RANBP3: variants seen among roughly 807,000 people sequenced by gnomAD.
The protein encoded by RANBP3 is RAN binding protein 3, also known as ran-binding protein 3.
A neutral mutation model predicts 77.3 loss-of-function variants in RANBP3; 14 were observed. The observed-to-expected ratio is 0.18, with a 90% CI of 0.12 to 0.28. The LOEUF (loss-of-function observed/expected upper bound fraction) is 0.28, where lower values mean the gene tolerates loss of function less well. Ranked by LOEUF, RANBP3 falls within the 10% of genes least tolerant of loss-of-function variation. The pLI, the probability that RANBP3 is intolerant of heterozygous loss-of-function variation, is 1.00. For synonymous variants in RANBP3, 315 were observed against 312.4 expected (o/e 1.01, Z -0.09); for missense variants, 586 against 752.3 (o/e 0.78, Z 2.59).
intron 1 of RANBP3, among the ~76,000 whole-genome samples, chr19:5,969,020 T>C (rs1412288834): frequency 6.6e-6 from 1 of 152,052 alleles, no homozygotes; most frequent in Non-Finnish European, 1.5e-5. Flanking sequence ...TGAGCAGGGA[T>C]GAGCCAGGTG....
chr19:5,974,205 A>G (rs1170837944), intron 1 of RANBP3: 2 of 152,240 alleles, frequency 1.3e-5, no homozygotes, highest in Non-Finnish European at 2.9e-5. Context: ...GAGCCATCAA[A>G]ACGTCAACTG....
chr19:5,920,987 C>T (rs897354591), intron 14 of RANBP3: 18 of 425,134 alleles, frequency 4.2e-5, no homozygotes, highest in African/African-American at 1.4e-4. Flanking sequence ...GGGTCACGGA[C>T]GAGCTGGCAG....
intron 3 of RANBP3, among the ~76,000 whole-genome samples, chr19:5,944,679 T>G (rs1309127382): frequency 6.6e-6 from 1 of 152,242 alleles, no homozygotes; most frequent in Non-Finnish European, 1.5e-5. Context: ...TGCAGGTCAC[T>G]GTCTGAGGCC....
chr19:5,933,290 T>A, intron 6 of RANBP3, 124 bp downstream of exon 6: 2 of 739,666 alleles, frequency 2.7e-6, no homozygotes, highest in South Asian at 4.0e-5. Context: ...CCAGGGCTCG[T>A]GGGTCAAGTT....
intron 10 of RANBP3, chr19:5,925,134 C>T (rs917831197): frequency 4.5e-5 from 25 of 560,804 alleles, no homozygotes; most frequent in Non-Finnish European, 6.4e-5. Context: ...TGAGGGAAGC[C>T]ACCTTCCACC....
chr19:5,931,861 C>T (rs377206176), intron 7 of RANBP3, among the ~76,000 whole-genome samples: 1 of 151,920 alleles, frequency 6.6e-6, no homozygotes, highest in Non-Finnish European at 1.5e-5. Flanking sequence ...AGCAAGTCCT[C>T]GTTTCTAAAA....
intron 1 of RANBP3, among the ~76,000 whole-genome samples, chr19:5,972,296 T>C (rs996126125): frequency 6.6e-6 from 1 of 152,196 alleles, no homozygotes; most frequent in Non-Finnish European, 1.5e-5. Context: ...CATCCAGGGC[T>C]GAGATCCATA....
intron 1 of RANBP3, among the ~76,000 whole-genome samples, chr19:5,969,090 C>G (rs963243831): frequency 6.6e-6 from 1 of 152,158 alleles, no homozygotes; most frequent in Non-Finnish European, 1.5e-5. Flanking sequence ...AAAGGAAGAG[C>G]CTGGAGGCCC....
At chr19:5,970,806 A>G (rs2058521250) in intron 1 of RANBP3, among the ~76,000 whole-genome samples, 1 of 152,184 alleles carries the variant, frequency 6.6e-6, no homozygotes, top group Admixed American at 6.5e-5. Flanking sequence ...CACAATCCTC[A>G]GACTTGCGTA....
intron 5 of RANBP3, among the ~76,000 whole-genome samples, chr19:5,936,388 A>G (rs1415841577): frequency 6.6e-6 from 1 of 151,990 alleles, no homozygotes; most frequent in African/African-American, 2.4e-5. Flanking sequence ...ATGTGGACAA[A>G]GGTGTGTCCC....
intron 2 of RANBP3, among the ~76,000 whole-genome samples, chr19:5,953,500 T>C (rs2058299451): frequency 6.6e-6 from 1 of 152,230 alleles, no homozygotes. Context: ...CTAAATAGCA[T>C]TTCTGTAACT....
rs1306033614 is a variant in RANBP3, at chr19:5,959,918, G to A, written c.23-1945C>T. On this transcript the variant is annotated intron_variant, in intron 1 of 16. Coordinates refer to ENST00000340578, the MANE Select transcript of RANBP3 (RefSeq NM_007322.3). This position sits in a 1 kb window ranked among gnomAD's most constrained non-coding sequence, Gnocchi z 5.1. ...TTCTTTAGGGAGCTACCCACCCCTC[G>A]TCCCCCTGTCCCCCAGTTCAGATGG... 1.3e-5 allele frequency among the ~76,000 whole-genome samples: 2 copies of A among 151,958 alleles called. No individual in the cohort carries two copies. Among genetic ancestry groups the A allele is most frequent in the African/African-American group, 4.8e-5 (2 of 41,364 alleles).
intron 11 of RANBP3, 84 bp from the exon 12 acceptor site, chr19:5,923,998 C>T: frequency 4.7e-6 from 5 of 1,070,278 alleles, no homozygotes; most frequent in Non-Finnish European, 7.0e-6. Flanking sequence ...TGCCTGGCCC[C>T]CAACACTACG....
In RANBP3 at chr19:5,917,528, C is replaced by T. The variant is rs565551819; in HGVS notation, c.*82G>A. Reference sequence around the variant, plus strand: ...TGTGGTTCCCGGCCCCGCACCTGGACGCTGCCGGTGGGGTGGGGGCGGGTG... The same window carrying T: ...TGTGGTTCCCGGCCCCGCACCTGGATGCTGCCGGTGGGGTGGGGGCGGGTG... On this transcript the variant is annotated 3_prime_UTR_variant, in exon 17 of 17. Transcript: ENST00000340578. 4.9e-4 allele frequency: 712 copies of T among 1,447,668 alleles called. 1 individual carries two copies. The highest frequency in any genetic ancestry group is 1.2e-3 in the South Asian group (87 of 74,522). 89.7% of individuals were successfully genotyped at this position (1,447,668 alleles called of 1,614,324 possible). A position where few individuals can be genotyped will look rare whatever the true frequency, so the allele number is the denominator to read the frequency against.
chr19:5,918,096 T>C, intron 15 of RANBP3, 116 bp from the exon 16 acceptor site: 1 of 1,204,720 alleles, frequency 8.3e-7, no homozygotes, highest in Non-Finnish European at 1.1e-6. Context: ...CAAGGCCTTG[T>C]GGGGAGGCCA....
chr19:5,924,967 T>C lies in RANBP3; in HGVS notation c.918-62A>G. On this transcript the variant is annotated intron_variant, in intron 10 of 16. Transcript: ENST00000340578. The surrounding 1 kb of genome is among the most constrained non-coding windows in gnomAD (Gnocchi z 4.7). ...GTGGGAACGTGGCCAGGCAAATGTA[T>C]GGGTACCCATGGAGCACACACTGAC... 3 of 1,429,622 alleles carry C rather than the reference T, an allele frequency of 2.1e-6. No individual in the cohort carries two copies. The highest frequency in any genetic ancestry group is 3.0e-6 in the Non-Finnish European group (3 of 1,012,544). The allele number at this position is 1,429,622 out of a possible 1,614,324, so 88.6% of individuals were successfully genotyped here.
chr19:5,928,338 C>T, intron 8 of RANBP3: 1 of 334,044 alleles, frequency 3.0e-6, no homozygotes, highest in Admixed American at 4.8e-5. Flanking sequence ...CAAGAAACAC[C>T]TGTGCCCTGC....
Position 5,917,966 on chromosome 19 carries a change from G to A in RANBP3, c.1488C>T (p.Asp496=). 1.3e-6 allele frequency: 2 copies of A among 1,597,010 alleles called. No homozygotes were observed. Among genetic ancestry groups the A allele is most frequent in the Non-Finnish European group, 8.6e-7 (1 of 1,168,588 alleles). Residue 496 remains aspartate (D), a synonymous_variant, in exon 16 of 17, where the codon GAC becomes GAT. Coordinates refer to ENST00000340578, the MANE Select transcript of RANBP3 (RefSeq NM_007322.3). ...GCAGGGCTGCATACAACTGACCTGT[G>A]TCCTTGGAGCTGGCCTGGGAAGGGA... ...KVFLISASSK[D]TGQLYAALHH... is the part of the protein sequence containing the mutation.
chr19:5,944,978 C>T (rs552542791), intron 3 of RANBP3, among the ~76,000 whole-genome samples: 9 of 152,196 alleles, frequency 5.9e-5, no homozygotes, highest in African/African-American at 1.7e-4. Flanking sequence ...CCTCTGTAGA[C>T]GACCTGCTCT....
Sources: gnomAD v4.1 joint callset for allele counts (sites outside exome capture counted in the v4.1 genomes callset) on GRCh38, gnomAD v4.1.1 for gene constraint, Gnocchi (gnomAD v3.1) non-coding constraint, MANE v1.5 for transcripts, NCBI Gene and HGNC (gene_info 2026-07-23, HGNC 2026-07-21) for gene names.